Variants in NSF observed in about 807,000 individuals in gnomAD.
NSF encodes the protein N-ethylmaleimide sensitive factor, vesicle fusing ATPase.
Under a neutral mutation model 50.3 loss-of-function variants are expected in NSF, and 14 were observed. That is an observed-to-expected ratio of 0.28 (90% CI 0.18 to 0.44). The LOEUF (loss-of-function observed/expected upper bound fraction) is 0.44, where lower values mean the gene tolerates loss of function less well. Ranked by LOEUF, NSF falls within the 20% of genes least tolerant of loss-of-function variation. NSF has a pLI of 1.00. For missense variants in NSF, 218 were observed against 504.3 expected, an observed-to-expected ratio of 0.43 and a Z score of 5.44; for synonymous variants, 109 against 175.7, an observed-to-expected ratio of 0.62 and a Z score of 3.00.
chr17:46,691,689 A>C (rs906042158), intron 9 of NSF, among the ~76,000 whole-genome samples: 2 of 151,640 alleles, frequency 1.3e-5, no homozygotes, highest in Non-Finnish European at 2.9e-5. Flanking sequence ...TGCTCATTTA[A>C]TTTTTATTAT....
chr17:46,723,773 A>G (rs2058857160), intron 15 of NSF, among the ~76,000 whole-genome samples: 1 of 151,730 alleles, frequency 6.6e-6, no homozygotes, highest in Non-Finnish European at 1.5e-5. Context: ...CAGCACACCC[A>G]CTCCCTGGCC....
chr17:46,657,054 T>G (rs1435194532), intron 8 of NSF, among the ~76,000 whole-genome samples: 1 of 31,324 alleles, frequency 3.2e-5, no homozygotes, highest in Non-Finnish European at 7.8e-5. Context: ...ACAACATTCT[T>G]TATTTTGTAG....
At chr17:46,709,076 G>A (rs894451647) in intron 13 of NSF, among the ~76,000 whole-genome samples, 6 of 151,626 alleles carry the variant, frequency 4.0e-5, no homozygotes, top group African/African-American at 1.5e-4. Flanking sequence ...ACCCACCTTG[G>A]CCTCCCAAAG....
At chr17:46,712,412 G>T (rs1047035385) in intron 14 of NSF, among the ~76,000 whole-genome samples, 2 of 152,172 alleles carry the variant, frequency 1.3e-5, no homozygotes, top group Non-Finnish European at 2.9e-5. Context: ...ATATTTGTTA[G>T]ATTGGATGTG....
chr17:46,708,820 A>T (rs1160734754), intron 13 of NSF, among the ~76,000 whole-genome samples: 39 of 98,522 alleles, frequency 4.0e-4, no homozygotes, highest in African/African-American at 1.5e-3. Context: ...ATATATATAT[A>T]TATTTTTTTT....
chr17:46,715,023 C>T (rs1568041985), intron 15 of NSF, among the ~76,000 whole-genome samples: 1 of 152,116 alleles, frequency 6.6e-6, no homozygotes, highest in Non-Finnish European at 1.5e-5. Flanking sequence ...AAAGATGACT[C>T]CCAAAAAATG....
rs2146247726 is a variant in NSF, at chr17:46,704,804, C to A, written c.1420C>A (p.Gln474Lys). Residue 474 changes from glutamine to lysine, a missense_variant, in exon 13 of 21, where the codon CAA (glutamine) becomes AAA (lysine). Gln to Lys is a moderately conservative substitution (Grantham distance 53). Coordinates refer to ENST00000398238, the MANE Select transcript of NSF (RefSeq NM_006178.4). ...GGACATGGAGAAAGCAGAAAGCCTG[C>A]AAGTGACGAGAGGAGACTTCCTTGC... ...EVDMEKAESLQVTRGDFLASL... is the reference protein window; with the variant it reads ...EVDMEKAESLKVTRGDFLASL... 6.2e-7 allele frequency: 1 copy of A among 1,607,994 alleles called. No individual in the cohort carries two copies. Among genetic ancestry groups the A allele is most frequent in the East Asian group, 2.2e-5 (1 of 44,582 alleles).
chr17:46,750,219 G>C (rs1282021207), intron 18 of NSF, among the ~76,000 whole-genome samples: 1 of 152,280 alleles, frequency 6.6e-6, no homozygotes, highest in East Asian at 1.9e-4. Context: ...TGGGCATGGT[G>C]GTGGGCACCT....
At chr17:46,734,040 A>G (rs1221276541) in intron 17 of NSF, among the ~76,000 whole-genome samples, 1 of 152,188 alleles carries the variant, frequency 6.6e-6, no homozygotes, top group Admixed American at 6.5e-5. Context: ...TTTGTTTTTA[A>G]CATCAGCAGT....
intron 15 of NSF, chr17:46,722,062 G>A (rs142992779): frequency 2.0e-5 from 33 of 1,610,172 alleles, no homozygotes; most frequent in African/African-American, 9.3e-5. Flanking sequence ...GAGCCTTGAG[G>A]TCCGAGTTCA....
In NSF at chr17:46,713,907, A is replaced by G. The variant is rs780661625; in HGVS notation, c.1682A>G (p.Asn561Ser). ...ALAAKIAEES[N>S]FPFIKICSPD... ...GCTGCAAAAATTGCAGAGGAATCCAACTTCCCGTTCATCAAGATCTGTTCT... is the reference window on the plus strand; with the variant it reads ...GCTGCAAAAATTGCAGAGGAATCCAGCTTCCCGTTCATCAAGATCTGTTCT... Residue 561 changes from asparagine (N) to serine (S), a missense_variant, in exon 15 of 21, where the codon AAC becomes AGC. Physicochemically the swap from Asn to Ser is conservative, Grantham distance 46. Coordinates refer to ENST00000398238, the MANE Select transcript of NSF (RefSeq NM_006178.4). The G allele has an allele frequency of 8.1e-6, 13 of 1,612,756 alleles. No individual in the cohort carries two copies. Among genetic ancestry groups the G allele is most frequent in the African/African-American group, 2.7e-5 (2 of 74,870 alleles).
intron 13 of NSF, among the ~76,000 whole-genome samples, chr17:46,710,068 A>G (rs977981051): frequency 2.0e-5 from 3 of 152,248 alleles, no homozygotes; most frequent in African/African-American, 7.2e-5. Context: ...CTAAAGAACT[A>G]TTAAAACTAT....
At chr17:46,697,753 GGT>G (rs1491239678) in intron 12 of NSF, among the ~76,000 whole-genome samples, 1 of 150,052 alleles carries the variant, frequency 6.7e-6, no homozygotes, top group Admixed American at 6.7e-5. Context: ...GGAGTGCAGT[GGT>G]GCAATCTCGG....
chr17:46,731,501 A>T (rs1422184632), intron 17 of NSF, among the ~76,000 whole-genome samples: 4 of 152,222 alleles, frequency 2.6e-5, no homozygotes, highest in Non-Finnish European at 5.9e-5. Flanking sequence ...TGTGAACCAT[A>T]TCTCAAGCGA....
intron 12 of NSF, among the ~76,000 whole-genome samples, chr17:46,703,607 G>A (rs1205609544): frequency 2.7e-5 from 4 of 149,536 alleles, no homozygotes; most frequent in Non-Finnish European, 4.4e-5. Context: ...GCATGAACCT[G>A]GGAGGTGGAG....
At chr17:46,750,928 C>T (rs2146340227) in intron 18 of NSF, among the ~76,000 whole-genome samples, 1 of 151,422 alleles carries the variant, frequency 6.6e-6, no homozygotes, top group South Asian at 2.1e-4. Flanking sequence ...TTGAAAATGA[C>T]AGTCATTTTT....
intron 15 of NSF, among the ~76,000 whole-genome samples, chr17:46,726,048 A>C (rs2058886270): frequency 2.0e-5 from 3 of 152,120 alleles, no homozygotes; most frequent in African/African-American, 7.2e-5. Flanking sequence ...CATCTATCTG[A>C]TCCTTCATAC....
intron 18 of NSF, among the ~76,000 whole-genome samples, chr17:46,750,441 C>G (rs2059171089): frequency 1.3e-5 from 2 of 152,174 alleles, no homozygotes; most frequent in African/African-American, 4.8e-5. Flanking sequence ...TTGAGCGTCT[C>G]TAATCTGGAA....
chr17:46,739,946 C>T lies in NSF; in HGVS notation c.1909-9827C>T, dbSNP rs191464254. Among the ~76,000 whole-genome samples the T allele has an allele frequency of 4.9e-4, 74 of 152,220 alleles. 1 individual carries two copies. In the Middle Eastern group the frequency reaches 0.014, roughly 28 times the overall value. ...AACTCCTGGCCTCAAGTGATCCGCC[C>T]TCCTCAGCCTCCCAAAGTGCTGGGA... On this transcript the variant is annotated intron_variant, in intron 17 of 20. Transcript: ENST00000398238.
Sources: allele counts gnomAD v4.1 joint callset (sites outside exome capture counted in the v4.1 genomes callset), GRCh38; gene constraint gnomAD v4.1.1; transcripts MANE v1.5; gene names NCBI Gene and HGNC (gene_info 2026-07-23, HGNC 2026-07-21).